Variants in AK9 observed in about 807,000 individuals in gnomAD.
The protein encoded by AK9 is adenylate kinase 9, also known as adenylate kinase domain containing 1.
AK9 carries 191 observed loss-of-function variants against 239.6 expected under a neutral mutation model. The ratio of observed to expected loss-of-function variants is 0.80; its 90% CI spans 0.71 to 0.90. AK9 has a LOEUF of 0.90. Ranked by LOEUF, AK9 falls within the 40% of genes least tolerant of loss-of-function variation. The pLI is 0.00. For synonymous variants in AK9, 689 were observed against 721.0 expected, an observed-to-expected ratio of 0.96 and a Z score of 0.71; for missense variants, 1,995 against 2,214.7, an observed-to-expected ratio of 0.90 and a Z score of 1.99.
At chr6:109,645,949 T>A (rs569878921) in intron 8 of AK9, among the ~76,000 whole-genome samples, 164 of 152,324 alleles carry the variant, frequency 1.1e-3, no homozygotes, top group South Asian at 4.8e-3. Context: ...GCAAACAGGG[T>A]ATCCATAGAG....
Position 109,641,609 on chromosome 6 carries a change from A to G in AK9, c.842T>C (p.Met281Thr). ...KPAEELFMIV[M>T]DRLKYLNLKR... Reference sequence around the variant, plus strand: ...TAGGTTCAGATATTTAAGTCGATCCATAACAATCTAGATTTAAAGAACAGA... The same window carrying G: ...TAGGTTCAGATATTTAAGTCGATCCGTAACAATCTAGATTTAAAGAACAGA... The change falls in exon 10 of 41, where the codon ATG becomes ACG. Residue 281 changes from methionine to threonine, a missense_variant. Met to Thr is a moderately conservative substitution (Grantham distance 81). Transcript: ENST00000424296. 7 of 1,609,990 alleles carry G rather than the reference A, an allele frequency of 4.3e-6. No individual in the cohort carries two copies. The highest frequency in any genetic ancestry group is 6.0e-6 in the Non-Finnish European group (7 of 1,176,298).
At chr6:109,606,661 A>T (rs963755679) in intron 17 of AK9, among the ~76,000 whole-genome samples, 5 of 152,194 alleles carry the variant, frequency 3.3e-5, no homozygotes, top group African/African-American at 1.2e-4. Flanking sequence ...TCATATAGCC[A>T]GTGTAACAGC....
intron 27 of AK9, among the ~76,000 whole-genome samples, chr6:109,534,920 A>G (rs960908507): frequency 6.6e-6 from 1 of 152,122 alleles, no homozygotes; most frequent in Admixed American, 6.6e-5. Context: ...CCATGTCCCT[A>G]CAAAGGACAT....
intron 12 of AK9, among the ~76,000 whole-genome samples, chr6:109,630,026 A>C (rs555231154): frequency 3.0e-4 from 46 of 152,340 alleles, no homozygotes; most frequent in African/African-American, 1.1e-3. Flanking sequence ...TTGAATTATA[A>C]GACCCTTGCA....
At chr6:109,566,042 C>T (rs1039276404) in intron 21 of AK9, among the ~76,000 whole-genome samples, 3 of 151,958 alleles carry the variant, frequency 2.0e-5, no homozygotes, top group Admixed American at 6.6e-5. Context: ...TTCTACAATG[C>T]CTTAGCTTCT....
intron 28 of AK9, among the ~76,000 whole-genome samples, chr6:109,531,661 T>A (rs1781279039): frequency 6.6e-6 from 1 of 152,198 alleles, no homozygotes; most frequent in Non-Finnish European, 1.5e-5. Context: ...CACGGAGATT[T>A]CTGTGTTAGC....
At chr6:109,538,625 T>C (rs1782369995) in intron 27 of AK9, among the ~76,000 whole-genome samples, 1 of 151,920 alleles carries the variant, frequency 6.6e-6, no homozygotes, top group Non-Finnish European at 1.5e-5. Flanking sequence ...AATATTGTTA[T>C]GTGTGAATTT....
At chr6:109,676,678 A>T (rs1771800422) in intron 1 of AK9, among the ~76,000 whole-genome samples, 1 of 152,138 alleles carries the variant, frequency 6.6e-6, no homozygotes, top group South Asian at 2.1e-4. Flanking sequence ...ATATTACTTG[A>T]TCAATACAAT....
chr6:109,537,554 C>A lies in AK9; in HGVS notation c.3351-4084G>T, dbSNP rs1195839419. 4.3e-5 allele frequency among the ~76,000 whole-genome samples: 6 copies of A among 138,854 alleles called. 1 individual carries two copies. Among genetic ancestry groups the A allele is most frequent in the Non-Finnish European group, 9.9e-5 (6 of 60,780 alleles). 91.1% of individuals were successfully genotyped at this position (138,854 alleles called of 152,430 possible). ...ATTTTGTTGATCTTTTCAAAAAAAG[C>A]AGCTCTTGGATTCACTGATTTTTTG... On this transcript the variant is annotated intron_variant, in intron 27 of 40. Transcript: ENST00000424296.
At chr6:109,556,348 T>C (rs571538233) in intron 24 of AK9, among the ~76,000 whole-genome samples, 3 of 152,194 alleles carry the variant, frequency 2.0e-5, no homozygotes, top group Non-Finnish European at 2.9e-5. Context: ...CAGTCTCTTA[T>C]GGTTTGTAAA....
intron 1 of AK9, among the ~76,000 whole-genome samples, chr6:109,678,589 AT>A (rs1772103860): frequency 6.6e-6 from 1 of 152,240 alleles, no homozygotes; most frequent in African/African-American, 2.4e-5. Flanking sequence ...ATCTACAGTT[AT>A]CTCAAAATGA....
At chr6:109,652,065 T>G (rs907617105) in intron 8 of AK9, among the ~76,000 whole-genome samples, 11 of 152,142 alleles carry the variant, frequency 7.2e-5, no homozygotes, top group African/African-American at 1.4e-4. Flanking sequence ...GAGGCCAGCA[T>G]CATCCTGATA....
chr6:109,610,135 T>C (rs1044462064), intron 17 of AK9, among the ~76,000 whole-genome samples: 1 of 152,220 alleles, frequency 6.6e-6, no homozygotes, highest in Non-Finnish European at 1.5e-5. Context: ...TTTCAAAGCA[T>C]AAAGTTATAT....
intron 24 of AK9, among the ~76,000 whole-genome samples, chr6:109,559,422 C>T (rs1785457241): frequency 6.6e-6 from 1 of 152,266 alleles, no homozygotes; most frequent in South Asian, 2.1e-4. Context: ...CCGCCTTGGC[C>T]TCCCAAAGTG....
At chr6:109,505,568 A>C (rs1314953375) in intron 35 of AK9, among the ~76,000 whole-genome samples, 3 of 152,238 alleles carry the variant, frequency 2.0e-5, no homozygotes, top group African/African-American at 7.2e-5. Context: ...TGTAAATAGT[A>C]AAAATAATTT....
rs763276931 is a variant in AK9 at position 109,493,437 on chromosome 6, C to T, written c.5668G>A (p.Ala1890Thr). 3 of 1,614,040 alleles carry T rather than the reference C, an allele frequency of 1.9e-6. No homozygotes were observed. The East Asian group carries it at 6.7e-5, about 36-fold the overall frequency. The change falls in exon 41 of 41, where the codon GCC becomes ACC. Residue 1890 changes from alanine to threonine, a missense_variant. By Grantham distance (58) the Ala-to-Thr change is moderately conservative. This residue lies in a region of AK9 where 391 missense variants were observed against 456.0 expected (regional missense o/e 0.86). Coordinates refer to ENST00000424296, the MANE Select transcript of AK9 (RefSeq NM_001145128.3). ...TRKYKEPQFRAIDFDHKLKTF... is the reference protein window; with the variant it reads ...TRKYKEPQFRTIDFDHKLKTF... ...TTTAACTTATGATCAAAGTCAATGG[C>T]TCTGAACTGAGGTTCCTTGTATTTT... is the stretch of plus-strand genomic sequence containing the variant.
At chr6:109,578,714 T>C (rs1276123175) in intron 20 of AK9, among the ~76,000 whole-genome samples, 2 of 152,188 alleles carry the variant, frequency 1.3e-5, no homozygotes, top group East Asian at 3.9e-4. Context: ...ACTTTTGCTG[T>C]ATCCCAGAAG....
intron 12 of AK9, among the ~76,000 whole-genome samples, chr6:109,628,863 GT>G (rs1377109762): frequency 3.3e-5 from 5 of 151,914 alleles, no homozygotes; most frequent in Admixed American, 2.0e-4. Flanking sequence ...CCAGAAACAT[GT>G]TTTTAGTTAT....
rs1030116443 is a variant in AK9, at chr6:109,632,965, T to C, written c.1212A>G (p.Lys404=). 1.5e-5 allele frequency: 24 copies of C among 1,613,344 alleles called. No individual in the cohort carries two copies. Among genetic ancestry groups the C allele is most frequent in the Non-Finnish European group, 1.9e-5 (23 of 1,179,818 alleles). The part of the protein sequence containing the change: ...VFILGPQYSG[K]TTLCNMLAEN... Reference sequence around the variant, plus strand: ...CTGCAAGCATATTGCAAAGTGTTGTTTTCCCTGAATATTGAGGTCCAAGTA... The same window carrying C: ...CTGCAAGCATATTGCAAAGTGTTGTCTTCCCTGAATATTGAGGTCCAAGTA... The change falls in exon 12 of 41, where the codon AAA becomes AAG. Residue 404 remains lysine, a synonymous_variant. Coordinates refer to ENST00000424296, the MANE Select transcript of AK9 (RefSeq NM_001145128.3).
Sources: gnomAD v4.1 joint callset for allele counts (sites outside exome capture counted in the v4.1 genomes callset) on GRCh38, gnomAD v4.1.1 for gene constraint, gnomAD v4.1.1 regional missense constraint, MANE v1.5 for transcripts, NCBI Gene and HGNC (gene_info 2026-07-23, HGNC 2026-07-21) for gene names.